SNTG1: variants seen among roughly 807,000 people sequenced by gnomAD.
The protein encoded by SNTG1 is gamma-1-syntrophin.
Under a neutral mutation model 74.7 loss-of-function variants are expected in SNTG1, and 39 were observed. That is an observed-to-expected ratio of 0.52 (90% CI 0.40 to 0.68). The LOEUF is 0.68. Ranked by LOEUF, SNTG1 falls within the 30% of genes least tolerant of loss-of-function variation. The probability of loss-of-function intolerance (pLI) is 0.00; values close to 1 mark genes in which losing one functional copy is unlikely to be tolerated. For missense variants in SNTG1, 685 were observed against 609.5 expected, an observed-to-expected ratio of 1.12 and a Z score of -1.30; for synonymous variants, 254 against 217.1, an observed-to-expected ratio of 1.17 and a Z score of -1.49.
intron 1 of SNTG1, among the ~76,000 whole-genome samples, chr8:49,982,715 TA>T (rs775500486): frequency 6.2e-4 from 94 of 152,088 alleles, no homozygotes; most frequent in Non-Finnish European, 1.3e-3. Context: ...CATTTATCTT[TA>T]CAAAAAAATA....
In SNTG1 at chr8:50,774,568, A is replaced by G. The variant is rs78574395; in HGVS notation, c.1396-18103A>G. Among the ~76,000 whole-genome samples the G allele has an allele frequency of 3.3e-5, 5 of 151,992 alleles. No homozygotes were observed. The East Asian group carries it at 9.7e-4, about 29-fold the overall frequency. On this transcript the variant is annotated intron_variant, in intron 18 of 18. Transcript: ENST00000642720. ...ACATATAAAAAAAAGAACATTTGCC[A>G]CTAGTAAATATACACTACAGAAAAT...
At chr8:50,743,050 T>C (rs1369531651) in intron 17 of SNTG1, among the ~76,000 whole-genome samples, 1 of 151,600 alleles carries the variant, frequency 6.6e-6, no homozygotes, top group Non-Finnish European at 1.5e-5. Flanking sequence ...CATAGCTTTA[T>C]TGGTGAATTT....
At chr8:50,343,678 G>T (rs192027408) in intron 2 of SNTG1, among the ~76,000 whole-genome samples, 1 of 152,248 alleles carries the variant, frequency 6.6e-6, no homozygotes, top group African/African-American at 2.4e-5. Flanking sequence ...AGTTGCATCA[G>T]AAATTACATT....
chr8:50,513,549 T>A (rs890026857), intron 9 of SNTG1, among the ~76,000 whole-genome samples: 1 of 152,240 alleles, frequency 6.6e-6, no homozygotes, highest in Non-Finnish European at 1.5e-5. Flanking sequence ...CTCTTTGAGC[T>A]GCGGTGGGCT....
In SNTG1 at chr8:50,536,676, A is replaced by G. The variant is rs745527224; in HGVS notation, c.550-2A>G. 6.2e-7 allele frequency: 1 copy of G among 1,613,290 alleles called. No homozygotes were observed. The highest frequency in any genetic ancestry group is 8.5e-7 in the Non-Finnish European group (1 of 1,179,568). ...TACGTTGAATATTTATCTTCCTTTCAGGACACATTATCATGCTCGTCGTGG... is the reference window on the plus strand; with the variant it reads ...TACGTTGAATATTTATCTTCCTTTCGGGACACATTATCATGCTCGTCGTGG... On this transcript the variant is annotated splice_acceptor_variant, in intron 10 of 18. Coordinates refer to ENST00000642720, the MANE Select transcript of SNTG1 (RefSeq NM_018967.5). LOFTEE classifies it high-confidence loss of function.
At position 50,450,721 on chromosome 8, in the gene SNTG1, GA is replaced by G; in HGVS notation, c.357del (p.Glu120LysfsTer13). The G allele has an allele frequency of 6.2e-7, 1 of 1,612,976 alleles. No homozygotes were observed. The highest frequency in any genetic ancestry group is 8.5e-7 in the Non-Finnish European group (1 of 1,179,680). ...NGINVRKCRH[E>X]EVVQVLRNAG... ...CATTAATGTGAGAAAATGTAGACAT[GA>G]AGAAGTGGTGAGTTTACTTTTTCCT... is the stretch of plus-strand genomic sequence containing the variant. On this transcript the variant is annotated frameshift_variant, in exon 8 of 19. Transcript: ENST00000642720. LOFTEE classifies it high-confidence loss of function.
chr8:50,697,733 G>A (rs2131487764), intron 15 of SNTG1, among the ~76,000 whole-genome samples: 1 of 152,172 alleles, frequency 6.6e-6, no homozygotes, highest in East Asian at 1.9e-4. Flanking sequence ...GGTAATGTAT[G>A]ACATTTATTT....
chr8:50,019,512 G>A (rs568510477), intron 1 of SNTG1, among the ~76,000 whole-genome samples: 1 of 152,068 alleles, frequency 6.6e-6, no homozygotes, highest in South Asian at 2.1e-4. Flanking sequence ...CTTGCTTTCT[G>A]TATCTATCTA....
At chr8:50,439,872 T>G in intron 5 of SNTG1, among the ~76,000 whole-genome samples, 1 of 151,734 alleles carries the variant, frequency 6.6e-6, no homozygotes, top group Admixed American at 6.6e-5. Context: ...GCACTAACTC[T>G]ATTTCTGGTA....
At chr8:49,969,387 C>CTTTT (rs575026898) in intron 1 of SNTG1, among the ~76,000 whole-genome samples, 4 of 47,148 alleles carry the variant, frequency 8.5e-5, no homozygotes, top group African/African-American at 2.2e-4. Flanking sequence ...TTCATTTAAT[C>CTTTT]TTTTTTTTTT....
chr8:50,278,260 T>C (rs187444218), intron 2 of SNTG1, among the ~76,000 whole-genome samples: 4 of 152,286 alleles, frequency 2.6e-5, no homozygotes, highest in Non-Finnish European at 2.9e-5. Context: ...AGGAAAGGTG[T>C]AATTTTCTCT....
At chr8:50,384,870 GT>G (rs2092549422) in intron 2 of SNTG1, among the ~76,000 whole-genome samples, 1 of 152,066 alleles carries the variant, frequency 6.6e-6, no homozygotes, top group Admixed American at 6.6e-5. Flanking sequence ...TTGATGATGT[GT>G]ACCCCTAATT....
intron 2 of SNTG1, among the ~76,000 whole-genome samples, chr8:50,376,756 TAGAG>T (rs58103614): frequency 0.046 from 4,103 of 89,604 alleles, 97 homozygotes; most frequent in East Asian, 0.097. Context: ...TATATATATA[TAGAG>T]AGAGAGAGAG....
At position 50,261,123 on chromosome 8, in the gene SNTG1, T is replaced by A. The variant is rs779719516; in HGVS notation, c.-28+88488T>A. Among the ~76,000 whole-genome samples the A allele has an allele frequency of 3.3e-5, 5 of 152,076 alleles. 1 individual carries two copies. On this transcript the variant is annotated intron_variant, in intron 2 of 18. Transcript: ENST00000642720. ...CATATTATATTCAAACTGCAGAAAT[T>A]CAAACACAGATCAAAAAAACATGAA...
chr8:50,110,523 T>G (rs995644639), intron 1 of SNTG1, among the ~76,000 whole-genome samples: 3 of 152,162 alleles, frequency 2.0e-5, no homozygotes, highest in African/African-American at 7.2e-5. Flanking sequence ...TCTTTCAGCT[T>G]TTGGTCTCTA....
intron 13 of SNTG1, among the ~76,000 whole-genome samples, chr8:50,640,171 T>TA (rs1325604225): frequency 6.6e-6 from 1 of 152,182 alleles, no homozygotes; most frequent in African/African-American, 2.4e-5. Context: ...AAGACGGAAG[T>TA]ATGACTTCCT....
At chr8:49,976,831 A>T (rs970899240) in intron 1 of SNTG1, among the ~76,000 whole-genome samples, 1 of 152,132 alleles carries the variant, frequency 6.6e-6, no homozygotes, top group South Asian at 2.1e-4. Flanking sequence ...AGCCACCACC[A>T]TATTTTAAGC....
At chr8:50,207,005 A>AG (rs2084275644) in intron 2 of SNTG1, among the ~76,000 whole-genome samples, 1 of 152,176 alleles carries the variant, frequency 6.6e-6, no homozygotes, top group East Asian at 1.9e-4. Flanking sequence ...AATGTTCATC[A>AG]GGGATATTGG....
chr8:50,376,068 AAGG>A (rs1465810793), intron 2 of SNTG1, among the ~76,000 whole-genome samples: 1 of 152,192 alleles, frequency 6.6e-6, no homozygotes, highest in Non-Finnish European at 1.5e-5. Context: ...TCACTGGTAG[AAGG>A]AGAAGGCAGG....
Sources: allele counts gnomAD v4.1 joint callset (sites outside exome capture counted in the v4.1 genomes callset), GRCh38; gene constraint gnomAD v4.1.1; transcripts MANE v1.5; gene names NCBI Gene and HGNC (gene_info 2026-07-23, HGNC 2026-07-21).